The following MUC5AC variants were observed in gnomAD, a reference collection of about 807,000 sequenced individuals.
MUC5AC encodes the protein mucin-5AC.
A neutral mutation model predicts 169.7 loss-of-function variants in MUC5AC; 158 were observed. The ratio of observed to expected loss-of-function variants is 0.93; its 90% CI spans 0.82 to 1.06. The LOEUF is 1.06. Among genes scored for constraint, MUC5AC ranks in the 50% least tolerant of loss-of-function variants. The probability of loss-of-function intolerance (pLI) is 0.00; values close to 1 mark genes in which losing one functional copy is unlikely to be tolerated. For missense variants in MUC5AC, 4,359 were observed against 3,089.9 expected, an observed-to-expected ratio of 1.41 and a Z score of -9.74; for synonymous variants, 1,975 against 1,237.0, an observed-to-expected ratio of 1.60 and a Z score of -12.52.
chr11:1,169,850 C>CCACT (rs1860447461), intron 15 of MUC5AC, among the ~76,000 whole-genome samples: 1 of 130,926 alleles, frequency 7.6e-6, no homozygotes. Flanking sequence ...ACCCACTCAC[C>CCACT]GACTCACCCA....
In MUC5AC at chr11:1,185,429, A is replaced by G. The variant is rs1294381277; in HGVS notation, c.7284A>G (p.Thr2428=). The G allele has an allele frequency of 9.7e-5, 70 of 722,880 alleles. No homozygotes were observed. The highest frequency in any genetic ancestry group is 2.0e-5 in the Non-Finnish European group (8 of 398,534). 44.8% of individuals were successfully genotyped at this position (722,880 alleles called of 1,614,324 possible). The change falls in exon 31 of 49, where the codon ACA becomes ACG. Residue 2428 remains threonine (T), a synonymous_variant. Coordinates refer to ENST00000621226, the MANE Select transcript of MUC5AC (RefSeq NM_001304359.2). The part of the protein sequence containing the change: ...TSTTSAPTSS[T]TSSPQTSTTS... Reference sequence around the variant, plus strand: ...CAACCTCTGCCCCTACAAGCAGCACAACCTCCAGTCCACAGACCAGCACAA... The same window carrying G: ...CAACCTCTGCCCCTACAAGCAGCACGACCTCCAGTCCACAGACCAGCACAA...
At position 1,196,693 on chromosome 11, in the gene MUC5AC, C is replaced by G. The variant is rs1188097033; in HGVS notation, c.15802C>G (p.Gln5268Glu). 2.6e-6 allele frequency: 2 copies of G among 760,714 alleles called. No homozygotes were observed. Among genetic ancestry groups the G allele is most frequent in the Admixed American group, 3.4e-5 (2 of 58,496 alleles). 47.1% of individuals were successfully genotyped at this position (760,714 alleles called of 1,614,324 possible). A position where few individuals can be genotyped will look rare whatever the true frequency, so the allele number is the denominator to read the frequency against. ...EGMTLFSTSAQVCVPTGCPRC... is the reference protein window; with the variant it reads ...EGMTLFSTSAEVCVPTGCPRC... ...CATGACCCTCTTCAGCACCAGTGCC[C>G]AAGTCTGCGTGCCCACGGGCTGCCC... The change falls in exon 39 of 49, where the codon CAA becomes GAA. Residue 5268 changes from glutamine (Q) to glutamate (E), a missense_variant. Transcript: ENST00000621226.
intron 19 of MUC5AC, 39 bp downstream of exon 19, chr11:1,175,309 C>T: frequency 2.5e-6 from 1 of 398,610 alleles, no homozygotes. Flanking sequence ...CCCCAGCCTC[C>T]TCATCTCTAT....
intron 5 of MUC5AC, 78 bp downstream of exon 5, chr11:1,162,724 G>T: frequency 3.6e-6 from 5 of 1,397,968 alleles, no homozygotes; most frequent in Non-Finnish European, 3.0e-6. Context: ...TCTCCGGAGA[G>T]GGTAGAAGGT....
chr11:1,163,180 C>A, intron 6 of MUC5AC, 135 bp downstream of exon 6: 1 of 851,028 alleles, frequency 1.2e-6, no homozygotes, highest in Non-Finnish European at 1.9e-6. Context: ...CCTCCTAGCA[C>A]AGCACACACG....
intron 16 of MUC5AC, among the ~76,000 whole-genome samples, chr11:1,173,288 C>T (rs1860592906): frequency 6.6e-6 from 1 of 151,212 alleles, no homozygotes; most frequent in African/African-American, 2.4e-5. Flanking sequence ...TACTCACTCA[C>T]TCATCCACTC....
At chr11:1,174,458 TG>T in intron 16 of MUC5AC, 37 bp from the exon 17 acceptor site, 1 of 1,290,142 alleles carries the variant, frequency 7.8e-7, no homozygotes. Context: ...AGGTGTGGGC[TG>T]GGGTCTCTGA....
chr11:1,171,355 TC>T (rs1860523602), intron 15 of MUC5AC, among the ~76,000 whole-genome samples: 1 of 108,872 alleles, frequency 9.2e-6, no homozygotes, highest in African/African-American at 3.8e-5. Context: ...ACTCACTCAC[TC>T]ACCCACTCAC....
chr11:1,184,342 C>T lies in MUC5AC; in HGVS notation c.6197C>T (p.Thr2066Ile). 1 of 482,578 alleles carries T rather than the reference C, an allele frequency of 2.1e-6. No individual in the cohort carries two copies. The highest frequency in any genetic ancestry group is 3.3e-5 in the East Asian group (1 of 30,066). 29.9% of individuals were successfully genotyped at this position (482,578 alleles called of 1,614,324 possible). The change falls in exon 31 of 49, where the codon ACT becomes ATT. Residue 2066 changes from threonine to isoleucine, a missense_variant. By Grantham distance (89) the Thr-to-Ile change is moderately conservative. Coordinates refer to ENST00000621226, the MANE Select transcript of MUC5AC (RefSeq NM_001304359.2). ...AAGACCGTCGCAACGACACGGCCGA[C>T]TCCACATCCAACCGGAGCTCAGACC... ...PPKTVATTRP[T>I]PHPTGAQTQT...
At position 1,187,659 on chromosome 11, in the gene MUC5AC, AC is replaced by A; in HGVS notation, c.9516del (p.Thr3173LeufsTer62). 3 of 764,888 alleles carry A rather than the reference AC, an allele frequency of 3.9e-6. No homozygotes were observed. Among genetic ancestry groups the A allele is most frequent in the Non-Finnish European group, 7.2e-6 (3 of 417,742 alleles). The allele number at this position is 764,888 out of a possible 1,614,324, so 47.4% of individuals were successfully genotyped here. On this transcript the variant is annotated frameshift_variant, in exon 31 of 49. Coordinates refer to ENST00000621226, the MANE Select transcript of MUC5AC (RefSeq NM_001304359.2). LOFTEE classifies it high-confidence loss of function. ...TSTIFAPRTS[T>X]TSASTTSTTP... is the part of the protein sequence containing the mutation. The stretch of plus-strand genomic sequence containing the variant: ...CACAATCTTTGCTCCTAGAACCAGC[AC>A]CACTTCTGCCTCTACAACCAGCACA...
At position 1,186,917 on chromosome 11, in the gene MUC5AC, A is replaced by G; in HGVS notation, c.8772A>G (p.Thr2924=). The G allele has an allele frequency of 2.8e-6, 2 of 722,616 alleles. No homozygotes were observed. The highest frequency in any genetic ancestry group is 2.9e-5 in the South Asian group (2 of 69,452). The allele number at this position is 722,616 out of a possible 1,614,324, so 44.8% of individuals were successfully genotyped here. A position where few individuals can be genotyped will look rare whatever the true frequency, so the allele number is the denominator to read the frequency against. ...CAACCTCTGCCCCTACAAGCAGCAC[A>G]ACCTCAGCTACTACAACCAGCACAA... ...TSTTSAPTSS[T]TSATTTSTIS... Residue 2924 remains threonine (T), a synonymous_variant, in exon 31 of 49, where the codon ACA becomes ACG. Coordinates refer to ENST00000621226, the MANE Select transcript of MUC5AC (RefSeq NM_001304359.2).
At chr11:1,168,152 C>G (rs1025369398) in intron 12 of MUC5AC, among the ~76,000 whole-genome samples, 165 bp downstream of exon 12, 1 of 152,184 alleles carries the variant, frequency 6.6e-6, no homozygotes, top group African/African-American at 2.4e-5. Flanking sequence ...GTGACTGTCC[C>G]TAAAGGGAGA....
chr11:1,170,581 C>CCACTCACA (rs1860480490), intron 15 of MUC5AC, among the ~76,000 whole-genome samples: 1 of 106,326 alleles, frequency 9.4e-6, no homozygotes, highest in Non-Finnish European at 1.9e-5. Flanking sequence ...ACCCACTCAC[C>CCACTCACA]TACTCACTCA....
intron 15 of MUC5AC, among the ~76,000 whole-genome samples, chr11:1,170,418 C>A (rs1860471358): frequency 1.5e-5 from 2 of 137,928 alleles, no homozygotes; most frequent in African/African-American, 2.7e-5. Flanking sequence ...CCTACTCACC[C>A]ACTCACCCAT....
At position 1,183,746 on chromosome 11, in the gene MUC5AC, A is replaced by T. The variant is rs1259506793; in HGVS notation, c.5601A>T (p.Thr1867=). The change falls in exon 31 of 49, where the codon ACA becomes ACT. Residue 1867 remains threonine, a synonymous_variant. Coordinates refer to ENST00000621226, the MANE Select transcript of MUC5AC (RefSeq NM_001304359.2). The part of the protein sequence containing the change: ...SSSPAQTTPS[T]TSKTTETQAS... The stretch of plus-strand genomic sequence containing the variant: ...GTCCAGCCCAGACCACTCCTTCAAC[A>T]ACCTCCAAGACCACTGAAACCCAGG... 11 of 503,428 alleles carry T rather than the reference A, an allele frequency of 2.2e-5. No individual in the cohort carries two copies. Among genetic ancestry groups the T allele is most frequent in the South Asian group, 4.4e-5 (1 of 22,964 alleles). The allele number at this position is 503,428 out of a possible 1,614,324, so 31.2% of individuals were successfully genotyped here. A position where few individuals can be genotyped will look rare whatever the true frequency, so the allele number is the denominator to read the frequency against.
chr11:1,185,241 T>A lies in MUC5AC; in HGVS notation c.7096T>A (p.Ser2366Thr). ...ITSAPTTSTT[S>T]APTTSTTSAR... ...CTCTGCCCCTACAACCAGCACAACCTCTGCTCCTACAACCAGCACAACCTC... is the reference window on the plus strand; with the variant it reads ...CTCTGCCCCTACAACCAGCACAACCACTGCTCCTACAACCAGCACAACCTC... The change falls in exon 31 of 49, where the codon TCT (serine) becomes ACT (threonine). Residue 2366 changes from serine to threonine, a missense_variant. Ser to Thr is a moderately conservative substitution (Grantham distance 58). Coordinates refer to ENST00000621226, the MANE Select transcript of MUC5AC (RefSeq NM_001304359.2). 1.4e-6 allele frequency: 1 copy of A among 725,234 alleles called. No individual in the cohort carries two copies. The highest frequency in any genetic ancestry group is 1.7e-5 in the African/African-American group (1 of 57,288). 44.9% of individuals were successfully genotyped at this position (725,234 alleles called of 1,614,324 possible).
Position 1,177,251 on chromosome 11 carries a change from C to T in MUC5AC, c.2814C>T (p.Asp938=), listed in dbSNP as rs1441169220. 1.8e-4 allele frequency: 73 copies of T among 413,812 alleles called. No individual in the cohort carries two copies. The highest frequency in any genetic ancestry group is 1.4e-4 in the Non-Finnish European group (32 of 234,538). The allele number at this position is 413,812 out of a possible 1,614,324, so 25.6% of individuals were successfully genotyped here. The change falls in exon 23 of 49, where the codon GAC becomes GAT. Residue 938 remains aspartate, a synonymous_variant. Transcript: ENST00000621226. The part of the protein sequence containing the change: ...TLVQNHCGGK[D]STQDSFRVVT... ...CCCAGAACCACTGTGGCGGGAAAGA[C>T]AGCACCCAGGACTCCTTTCGTGTTG... is the stretch of plus-strand genomic sequence containing the variant.
chr11:1,176,087 G>A (rs1860679124), intron 19 of MUC5AC, 64 bp from the exon 20 acceptor site: 1 of 383,314 alleles, frequency 2.6e-6, no homozygotes, highest in African/African-American at 2.3e-5. Context: ...CGTCCTCCCT[G>A]AACACATGTT....
At chr11:1,196,229 G>A (rs1861266906) in intron 37 of MUC5AC, among the ~76,000 whole-genome samples, 159 bp from the exon 38 acceptor site, 1 of 152,218 alleles carries the variant, frequency 6.6e-6, no homozygotes, top group African/African-American at 2.4e-5. Context: ...CCACGTCTGG[G>A]AGCCCGTGGC....
Sources: gnomAD v4.1 joint callset for allele counts (sites outside exome capture counted in the v4.1 genomes callset) on GRCh38, gnomAD v4.1.1 for gene constraint, MANE v1.5 for transcripts, NCBI Gene and HGNC (gene_info 2026-07-23, HGNC 2026-07-21) for gene names.